Variants in MFHAS1 observed in about 807,000 individuals in gnomAD.
The protein encoded by MFHAS1 is multifunctional ROCO family signaling regulator 1.
MFHAS1 carries 50 observed loss-of-function variants against 70.4 expected under a neutral mutation model. That is an observed-to-expected ratio of 0.71 (90% CI 0.57 to 0.90). The LOEUF is 0.90. Ranked by LOEUF, MFHAS1 falls within the 40% of genes least tolerant of loss-of-function variation. The probability of loss-of-function intolerance (pLI) is 0.00; values close to 1 mark genes in which losing one functional copy is unlikely to be tolerated. For missense variants in MFHAS1, 1,795 were observed against 1,347.6 expected, an observed-to-expected ratio of 1.33 and a Z score of -5.20; for synonymous variants, 952 against 620.0, an observed-to-expected ratio of 1.54 and a Z score of -7.96.
chr8:8,875,874 A>G (rs1337234851), intron 1 of MFHAS1, among the ~76,000 whole-genome samples: 1 of 152,208 alleles, frequency 6.6e-6, no homozygotes, highest in Non-Finnish European at 1.5e-5. Context: ...GGTGTGAGCC[A>G]CCATGCCCGG....
At chr8:8,861,775 T>G (rs1484342956) in intron 1 of MFHAS1, among the ~76,000 whole-genome samples, 1 of 152,168 alleles carries the variant, frequency 6.6e-6, no homozygotes, top group Non-Finnish European at 1.5e-5. Context: ...TTTCTGACAG[T>G]GTATCAGTTT....
In MFHAS1 at chr8:8,890,370, G is replaced by A. The variant is rs913344637; in HGVS notation, c.2689C>T (p.Arg897Cys). The A allele has an allele frequency of 5.0e-6, 8 of 1,614,048 alleles. No homozygotes were observed. Among genetic ancestry groups the A allele is most frequent in the African/African-American group, 1.3e-5 (1 of 74,920 alleles). Residue 897 changes from arginine (R) to cysteine (C), a missense_variant, in exon 1 of 3, where the codon CGC (arginine) becomes TGC (cysteine). Physicochemically the swap from Arg to Cys is radical, Grantham distance 180. Coordinates refer to ENST00000276282, the MANE Select transcript of MFHAS1 (RefSeq NM_004225.3). Reference protein sequence around the residue: ...PFTFPLGLFARYSVQINSHVV... With the variant: ...PFTFPLGLFACYSVQINSHVV... ...TGGCTGTTGATCTGGACACTGTAGC[G>A]TGCAAACAACCCAAGTGGAAAAGTA...
chr8:8,820,435 C>T (rs1806910970), intron 1 of MFHAS1, among the ~76,000 whole-genome samples: 1 of 152,196 alleles, frequency 6.6e-6, no homozygotes, highest in Admixed American at 6.5e-5. Flanking sequence ...TCTCTTCTTT[C>T]ATCTGACAGT....
In MFHAS1 at chr8:8,892,955, G is replaced by A. The variant is rs534516012; in HGVS notation, c.104C>T (p.Thr35Ile). The change falls in exon 1 of 3, where the codon ACC becomes ATC. Residue 35 changes from threonine to isoleucine, a missense_variant. Thr to Ile is a moderately conservative substitution (Grantham distance 89). Transcript: ENST00000276282. The surrounding 1 kb of genome is among the most constrained non-coding windows in gnomAD (Gnocchi z 4.7). ...GGCCCCGGGGCAGGCCCCGGCGGCG[G>A]TAAGCGTGAGCTGGCGCAGGTTGCT... is the stretch of plus-strand genomic sequence containing the variant. ...LRSNLRQLTL[T>I]AAGACPGAGA... 260 of 1,546,250 alleles carry A rather than the reference G, an allele frequency of 1.7e-4. No individual in the cohort carries two copies. Among genetic ancestry groups the A allele is most frequent in the Non-Finnish European group, 2.1e-4 (242 of 1,148,520 alleles).
At chr8:8,824,408 GTCTCCCTT>G (rs1453365932) in intron 1 of MFHAS1, among the ~76,000 whole-genome samples, 56 of 152,186 alleles carry the variant, frequency 3.7e-4, no homozygotes, top group African/African-American at 1.3e-3. Context: ...AAAAGATCCA[GTCTCCCTT>G]AAATGGCCTG....
intron 2 of MFHAS1, among the ~76,000 whole-genome samples, chr8:8,795,968 G>A (rs10093805): frequency 0.11 from 16,765 of 152,228 alleles, 1,191 homozygotes; most frequent in African/African-American, 0.2. Context: ...AAATCATGGT[G>A]CTGACATCAC....
chr8:8,893,106 C>A lies in MFHAS1; in HGVS notation c.-48G>T. The A allele has an allele frequency of 7.5e-7, 1 of 1,335,694 alleles. No homozygotes were observed. Among genetic ancestry groups the A allele is most frequent in the Non-Finnish European group, 9.7e-7 (1 of 1,030,136 alleles). The allele number at this position is 1,335,694 out of a possible 1,614,324, so 82.7% of individuals were successfully genotyped here. A position where few individuals can be genotyped will look rare whatever the true frequency, so the allele number is the denominator to read the frequency against. On this transcript the variant is annotated 5_prime_UTR_variant, in exon 1 of 3. An upstream open reading frame in the 5' UTR loses its in-frame stop. Coordinates refer to ENST00000276282, the MANE Select transcript of MFHAS1 (RefSeq NM_004225.3). ...CTCACGCGGACGCGGGAGCCCGCAG[C>A]TACATGCCGCGCCGCGCCCCGGGCC...
chr8:8,833,830 G>C (rs928733440), intron 1 of MFHAS1, among the ~76,000 whole-genome samples: 1 of 152,080 alleles, frequency 6.6e-6, no homozygotes. Context: ...ACATACTGCA[G>C]TACTTCCTAA....
At chr8:8,811,370 C>T (rs1443038006) in intron 1 of MFHAS1, among the ~76,000 whole-genome samples, 3 of 151,880 alleles carry the variant, frequency 2.0e-5, no homozygotes, top group Non-Finnish European at 4.4e-5. Context: ...TACAGTGGCG[C>T]AATCATAGCT....
intron 1 of MFHAS1, among the ~76,000 whole-genome samples, chr8:8,833,067 C>A (rs1256185246): frequency 6.6e-6 from 1 of 152,028 alleles, no homozygotes; most frequent in Non-Finnish European, 1.5e-5. Flanking sequence ...TCTTACATGG[C>A]AGGAGCAGGA....
At chr8:8,811,572 C>A (rs948987512) in intron 1 of MFHAS1, among the ~76,000 whole-genome samples, 2 of 152,218 alleles carry the variant, frequency 1.3e-5, no homozygotes, top group Non-Finnish European at 2.9e-5. Flanking sequence ...GCCGCCATGC[C>A]TGGCCAAGGC....
At chr8:8,809,116 G>C (rs1806450016) in intron 1 of MFHAS1, among the ~76,000 whole-genome samples, 1 of 152,132 alleles carries the variant, frequency 6.6e-6, no homozygotes, top group South Asian at 2.1e-4. Context: ...AATGCTTAAT[G>C]ATTTGTCACT....
At chr8:8,796,622 T>A (rs537210159) in intron 2 of MFHAS1, among the ~76,000 whole-genome samples, 10 of 131,360 alleles carry the variant, frequency 7.6e-5, no homozygotes, top group Non-Finnish European at 1.2e-4. Flanking sequence ...AGGCGGAGCT[T>A]GCAGTGAGCC....
At chr8:8,844,562 G>A (rs967362568) in intron 1 of MFHAS1, among the ~76,000 whole-genome samples, 2 of 152,180 alleles carry the variant, frequency 1.3e-5, no homozygotes, top group African/African-American at 2.4e-5. Context: ...ATTCTGCAGA[G>A]GCAGGGCTGG....
At chr8:8,844,439 C>G (rs1478625219) in intron 1 of MFHAS1, among the ~76,000 whole-genome samples, 6 of 152,184 alleles carry the variant, frequency 3.9e-5, no homozygotes, top group Admixed American at 6.5e-5. Context: ...TACCAAAATA[C>G]AAATAAGCCT....
At chr8:8,819,626 A>G (rs1806878863) in intron 1 of MFHAS1, among the ~76,000 whole-genome samples, 1 of 151,340 alleles carries the variant, frequency 6.6e-6, no homozygotes, top group Admixed American at 6.6e-5. Flanking sequence ...AAAAAAAAAA[A>G]GAATATCCAA....
intron 1 of MFHAS1, among the ~76,000 whole-genome samples, chr8:8,835,417 C>T (rs1295271948): frequency 1.3e-5 from 2 of 152,158 alleles, no homozygotes; most frequent in Non-Finnish European, 2.9e-5. Context: ...AGCAGAGTTA[C>T]GAGATACCCA....
At chr8:8,796,243 T>C (rs1463643665) in intron 2 of MFHAS1, among the ~76,000 whole-genome samples, 1 of 152,142 alleles carries the variant, frequency 6.6e-6, no homozygotes, top group Non-Finnish European at 1.5e-5. Flanking sequence ...GGTGGCAAAC[T>C]GCACAGCCCT....
chr8:8,790,222 A>C, intron 2 of MFHAS1: 1 of 213,728 alleles, frequency 4.7e-6, no homozygotes, highest in African/African-American at 2.3e-5. Context: ...CTGTTCTCCA[A>C]AATCTCTTCA....
Sources: allele counts gnomAD v4.1 joint callset (sites outside exome capture counted in the v4.1 genomes callset), GRCh38; gene constraint gnomAD v4.1.1; non-coding constraint Gnocchi (gnomAD v3.1); transcripts MANE v1.5; gene names NCBI Gene and HGNC (gene_info 2026-07-23, HGNC 2026-07-21).